The following RBBP4 variants were observed in gnomAD, a reference collection of about 807,000 sequenced individuals.
RBBP4 encodes histone-binding protein RBBP4.
In RBBP4, 3 loss-of-function variants were observed where a neutral mutation model predicts 57.2. The ratio of observed to expected loss-of-function variants is 0.05; its 90% confidence interval spans 0.02 to 0.14. The LOEUF (loss-of-function observed/expected upper bound fraction) is 0.14. Among genes scored for constraint, RBBP4 ranks in the 10% least tolerant of loss-of-function variants. The pLI is 1.00. For synonymous variants in RBBP4, 151 were observed against 171.5 expected, an observed-to-expected ratio of 0.88 and a Z score of 0.93; for missense variants, 107 against 520.6, an observed-to-expected ratio of 0.21 and a Z score of 7.73.
rs878971886 is a variant in RBBP4 at position 32,680,338 on chromosome 1, GT to G, written c.*644del. On this transcript the variant is annotated 3_prime_UTR_variant, in exon 12 of 12. Coordinates refer to ENST00000373493, the MANE Select transcript of RBBP4 (RefSeq NM_005610.3). ...GTTTATTTCCTGTCTGTGAAATGGTGTTTTTTTTTTTGTTGTTGGTTTTTTT... is the reference window on the plus strand; with the variant it reads ...GTTTATTTCCTGTCTGTGAAATGGTGTTTTTTTTTTGTTGTTGGTTTTTTT... The G allele has an allele frequency of 0.016, 12,316 of 772,188 alleles. 22 individuals carry two copies. Among genetic ancestry groups the G allele is most frequent in the Middle Eastern group, 0.039 (74 of 1,890 alleles). The allele number at this position is 772,188 out of a possible 1,614,324, so 47.8% of individuals were successfully genotyped here.
At chr1:32,679,030 C>G (rs1026336207) in intron 11 of RBBP4, among the ~76,000 whole-genome samples, 4 of 152,156 alleles carry the variant, frequency 2.6e-5, no homozygotes, top group Non-Finnish European at 5.9e-5. Flanking sequence ...GGCACAATGG[C>G]TTACTCCTAT....
chr1:32,676,169 T>TGTC (rs1396759412), intron 11 of RBBP4, among the ~76,000 whole-genome samples: 5 of 152,200 alleles, frequency 3.3e-5, no homozygotes, highest in Non-Finnish European at 5.9e-5. Context: ...AGCGAGACCC[T>TGTC]GTCTCTAAAG....
chr1:32,677,923 G>A (rs1297526370), intron 11 of RBBP4, among the ~76,000 whole-genome samples: 2 of 152,120 alleles, frequency 1.3e-5, no homozygotes, highest in African/African-American at 4.8e-5. Context: ...CTGTGAAAGT[G>A]GTTCCTGTAT....
intron 8 of RBBP4, among the ~76,000 whole-genome samples, chr1:32,670,478 TCACTG>T (rs759676979): frequency 4.8e-4 from 73 of 152,362 alleles, no homozygotes; most frequent in Non-Finnish European, 7.9e-4. Context: ...AAAGAAATAA[TCACTG>T]CACTATGTTC....
chr1:32,657,751 C>A, intron 3 of RBBP4, 179 bp downstream of exon 3: 1 of 658,420 alleles, frequency 1.5e-6, no homozygotes, highest in Non-Finnish European at 2.4e-6. Flanking sequence ...ATACTTAACA[C>A]ATCCTTGGTT....
intron 3 of RBBP4, among the ~76,000 whole-genome samples, chr1:32,665,644 C>T (rs384997): frequency 6.7e-6 from 1 of 148,790 alleles, no homozygotes; most frequent in South Asian, 2.1e-4. Flanking sequence ...TGCCATTACA[C>T]TCCAGTCTGG....
chr1:32,652,836 G>A (rs1013072985), intron 2 of RBBP4, among the ~76,000 whole-genome samples: 2 of 152,202 alleles, frequency 1.3e-5, no homozygotes, highest in African/African-American at 4.8e-5. Flanking sequence ...GTGAGCCACT[G>A]CACCTGGCCT....
chr1:32,651,577 T>G (rs1300913765), intron 1 of RBBP4: 2 of 1,032,518 alleles, frequency 1.9e-6, no homozygotes, highest in Non-Finnish European at 2.6e-6. Flanking sequence ...CGATATCGGT[T>G]TCTCGGCCTC....
At chr1:32,664,252 A>G (rs1195168278) in intron 3 of RBBP4, among the ~76,000 whole-genome samples, 5 of 151,980 alleles carry the variant, frequency 3.3e-5, no homozygotes, top group Non-Finnish European at 5.9e-5. Context: ...GGCCGGCCCA[A>G]TTTTCAATTT....
chr1:32,684,656 G>C lies in RBBP4; in HGVS notation c.*4951G>C, dbSNP rs193182054. On this transcript the variant is annotated 3_prime_UTR_variant, in exon 12 of 12. Transcript: ENST00000373493. ...CTGGGAGGGTGATTGGGACTTTTTA[G>C]TATTACAACCTTAGTGTCATTGAGG... 1 of 403,004 alleles carries C rather than the reference G, an allele frequency of 2.5e-6. No homozygotes were observed. The highest frequency in any genetic ancestry group is 5.2e-5 in the East Asian group (1 of 19,048). The allele number at this position is 403,004 out of a possible 1,614,324, so 25.0% of individuals were successfully genotyped here.
At chr1:32,656,345 G>A (rs1228863302) in intron 2 of RBBP4, among the ~76,000 whole-genome samples, 2 of 40,222 alleles carry the variant, frequency 5.0e-5, no homozygotes, top group Non-Finnish European at 1.9e-4. Context: ...GCCAGCCGCC[G>A]GTTTTTTTTG....
chr1:32,657,697 G>A (rs1386979218), intron 3 of RBBP4, 125 bp downstream of exon 3: 1 of 1,092,814 alleles, frequency 9.2e-7, no homozygotes, highest in Non-Finnish European at 1.3e-6. Flanking sequence ...AGTTTGCAAT[G>A]GTAGGTATTT....
Position 32,680,418 on chromosome 1 carries a change from G to A in RBBP4, c.*713G>A. On this transcript the variant is annotated 3_prime_UTR_variant, in exon 12 of 12. Coordinates refer to ENST00000373493, the MANE Select transcript of RBBP4 (RefSeq NM_005610.3). ...GTTGTAAAGATGTATGTTTTTACCTGACAGTTATACCACAGGTAGACTGTC... is the reference window on the plus strand; with the variant it reads ...GTTGTAAAGATGTATGTTTTTACCTAACAGTTATACCACAGGTAGACTGTC... 9.1e-7 allele frequency: 1 copy of A among 1,096,848 alleles called. No individual in the cohort carries two copies. The highest frequency in any genetic ancestry group is 1.1e-6 in the Non-Finnish European group (1 of 887,056). The allele number at this position is 1,096,848 out of a possible 1,614,324, so 67.9% of individuals were successfully genotyped here. A position where few individuals can be genotyped will look rare whatever the true frequency, so the allele number is the denominator to read the frequency against.
chr1:32,658,768 G>A (rs942950937), intron 3 of RBBP4, among the ~76,000 whole-genome samples: 4 of 151,562 alleles, frequency 2.6e-5, no homozygotes, highest in African/African-American at 9.7e-5. Context: ...GGCTGGTCTC[G>A]AACTCCGGAC....
chr1:32,677,270 G>A (rs674636), intron 11 of RBBP4, among the ~76,000 whole-genome samples: 130,957 of 151,846 alleles, frequency 0.86, 58,013 homozygotes, highest in Non-Finnish European at 0.96. Context: ...AAAACTTGTC[G>A]GCCCACTTGC....
chr1:32,665,452 T>C (rs1648602889), intron 3 of RBBP4, among the ~76,000 whole-genome samples: 3 of 151,880 alleles, frequency 2.0e-5, no homozygotes, highest in African/African-American at 7.3e-5. Context: ...CTGAAGCGGG[T>C]AGATTATCTG....
intron 2 of RBBP4, chr1:32,652,352 A>G: frequency 3.6e-6 from 1 of 277,078 alleles, no homozygotes; most frequent in Non-Finnish European, 6.9e-6. Context: ...AAACTTGTCA[A>G]CTTTCAAAAA....
Position 32,669,710 on chromosome 1 carries a change from G to A in RBBP4, c.966+147G>A, listed in dbSNP as rs2148526973. Reference sequence around the variant, plus strand: ...TCGAGACCATCCTGGCTAACACGGTGAAACCCTGTCTCTACTAAAAATATA... The same window carrying A: ...TCGAGACCATCCTGGCTAACACGGTAAAACCCTGTCTCTACTAAAAATATA... On this transcript the variant is annotated intron_variant, in intron 8 of 11. Coordinates refer to ENST00000373493, the MANE Select transcript of RBBP4 (RefSeq NM_005610.3). This position sits in a 1 kb window ranked among gnomAD's most constrained non-coding sequence, Gnocchi z 4.9. 7.7e-7 allele frequency: 1 copy of A among 1,292,174 alleles called. No homozygotes were observed. Among genetic ancestry groups the A allele is most frequent in the Admixed American group, 3.5e-5 (1 of 28,404 alleles). The allele number at this position is 1,292,174 out of a possible 1,614,324, so 80.0% of individuals were successfully genotyped here. A position where few individuals can be genotyped will look rare whatever the true frequency, so the allele number is the denominator to read the frequency against.
At position 32,651,218 on chromosome 1, in the gene RBBP4, G is replaced by A. The variant is rs753636083; in HGVS notation, c.-89G>A. 2.5e-5 allele frequency: 38 copies of A among 1,492,394 alleles called. No homozygotes were observed. The highest frequency in any genetic ancestry group is 2.6e-5 in the Non-Finnish European group (29 of 1,116,144). 92.4% of individuals were successfully genotyped at this position (1,492,394 alleles called of 1,614,324 possible). A position where few individuals can be genotyped will look rare whatever the true frequency, so the allele number is the denominator to read the frequency against. On this transcript the variant is annotated 5_prime_UTR_variant, in exon 1 of 12. Coordinates refer to ENST00000373493, the MANE Select transcript of RBBP4 (RefSeq NM_005610.3). ...CGCGCTGGGGGCGCAGGAAACAATA[G>A]AGGCCGCGCGCACAGAGCGAGCTCT...
Sources: allele counts gnomAD v4.1 joint callset (sites outside exome capture counted in the v4.1 genomes callset), GRCh38; gene constraint gnomAD v4.1.1; non-coding constraint Gnocchi (gnomAD v3.1); transcripts MANE v1.5; gene names NCBI Gene and HGNC (gene_info 2026-07-23, HGNC 2026-07-21).